The following DIO1 variants were observed in gnomAD, a reference collection of about 807,000 sequenced individuals.
The protein encoded by DIO1 is type I iodothyronine deiodinase.
In DIO1, 17 loss-of-function variants were observed where a neutral mutation model predicts 25.9. The ratio of observed to expected loss-of-function variants is 0.66; its 90% confidence interval spans 0.45 to 0.98. DIO1 has a LOEUF of 0.98. Among genes scored for constraint, DIO1 ranks in the 50% least tolerant of loss-of-function variants. DIO1 has a pLI of 0.00. For synonymous variants in DIO1, 115 were observed against 114.0 expected (o/e 1.01, Z -0.05); for missense variants, 270 against 310.4 (o/e 0.87, Z 0.98).
Position 53,910,673 on chromosome 1 carries a change from T to C in DIO1, c.*674T>C, listed in dbSNP as rs1354698598. On this transcript the variant is annotated 3_prime_UTR_variant, in exon 4 of 4. Transcript: ENST00000361921. Reference sequence around the variant, plus strand: ...ATTTTACCAGGGAAGAGGAGAGTACTCACTTTACCATCTTTGAATATATTT... The same window carrying C: ...ATTTTACCAGGGAAGAGGAGAGTACCCACTTTACCATCTTTGAATATATTT... 6.6e-6 allele frequency: 1 copy of C among 152,610 alleles called. No individual in the cohort carries two copies. The highest frequency in any genetic ancestry group is 1.5e-5 in the Non-Finnish European group (1 of 68,364). The allele number at this position is 152,610 out of a possible 1,614,324, so 9.5% of individuals were successfully genotyped here.
chr1:53,902,400 T>C (rs1651414082), intron 1 of DIO1, among the ~76,000 whole-genome samples: 2 of 151,934 alleles, frequency 1.3e-5, no homozygotes, highest in Non-Finnish European at 2.9e-5. Context: ...GAGCTGCTGG[T>C]CTCATTCTCT....
intron 1 of DIO1, among the ~76,000 whole-genome samples, chr1:53,896,446 G>A (rs1337679383): frequency 6.6e-6 from 1 of 152,018 alleles, no homozygotes; most frequent in Admixed American, 6.6e-5. Flanking sequence ...TCGAACTCCT[G>A]GACTCAAGTG....
At position 53,911,077 on chromosome 1, in the gene DIO1, T is replaced by C. The variant is rs1405466691; in HGVS notation, c.*1078T>C. 1.3e-5 allele frequency: 2 copies of C among 152,664 alleles called. No individual in the cohort carries two copies. The highest frequency in any genetic ancestry group is 6.5e-5 in the Admixed American group (1 of 15,288). 9.5% of individuals were successfully genotyped at this position (152,664 alleles called of 1,614,324 possible). A position where few individuals can be genotyped will look rare whatever the true frequency, so the allele number is the denominator to read the frequency against. ...AACTAATAACAGAATTATTAAAATA[T>C]ATCAGGCTATTTTGGATGGCTTCCG... On this transcript the variant is annotated 3_prime_UTR_variant, in exon 4 of 4. Coordinates refer to ENST00000361921, the MANE Select transcript of DIO1 (RefSeq NM_000792.7).
intron 1 of DIO1, among the ~76,000 whole-genome samples, chr1:53,896,212 T>C (rs1480504626): frequency 2.2e-4 from 14 of 64,794 alleles, no homozygotes; most frequent in African/African-American, 8.9e-4. Flanking sequence ...CTTTTTCTCT[T>C]TTTTTTTTTT....
intron 3 of DIO1, among the ~76,000 whole-genome samples, chr1:53,907,561 T>C (rs1222941915): frequency 6.6e-6 from 1 of 152,110 alleles, no homozygotes; most frequent in African/African-American, 2.4e-5. Context: ...GGGCACTGAA[T>C]CCCTACCTTG....
Position 53,910,424 on chromosome 1 carries a change from A to G in DIO1, c.*425A>G. On this transcript the variant is annotated 3_prime_UTR_variant, in exon 4 of 4. Transcript: ENST00000361921. ...AAGCTGGCATTCCTTCTATTAGGGAAATTCATTTTACCCAATTTGCATTTA... is the reference window on the plus strand; with the variant it reads ...AAGCTGGCATTCCTTCTATTAGGGAGATTCATTTTACCCAATTTGCATTTA... 1 of 165,646 alleles carries G rather than the reference A, an allele frequency of 6.0e-6. No homozygotes were observed. The highest frequency in any genetic ancestry group is 5.7e-5 in the Admixed American group (1 of 17,488). The allele number at this position is 165,646 out of a possible 1,614,324, so 10.3% of individuals were successfully genotyped here. A position where few individuals can be genotyped will look rare whatever the true frequency, so the allele number is the denominator to read the frequency against.
chr1:53,910,383 T>C lies in DIO1; in HGVS notation c.*384T>C. 5.6e-6 allele frequency: 1 copy of C among 179,360 alleles called. No homozygotes were observed. The highest frequency in any genetic ancestry group is 1.2e-5 in the Non-Finnish European group (1 of 83,944). The allele number at this position is 179,360 out of a possible 1,614,324, so 11.1% of individuals were successfully genotyped here. The stretch of plus-strand genomic sequence containing the variant: ...GTACGGTATCTCTCTCCAGCCACTC[T>C]GATACCAAGTAATTCAAGCTGGCAT... On this transcript the variant is annotated 3_prime_UTR_variant, in exon 4 of 4. Coordinates refer to ENST00000361921, the MANE Select transcript of DIO1 (RefSeq NM_000792.7).
At chr1:53,903,546 T>C (rs982958919) in intron 1 of DIO1, among the ~76,000 whole-genome samples, 7 of 151,802 alleles carry the variant, frequency 4.6e-5, no homozygotes, top group African/African-American at 1.7e-4. Flanking sequence ...TACAGAAGAT[T>C]AGAAATGTCT....
chr1:53,907,048 C>T (rs537783027), intron 3 of DIO1, among the ~76,000 whole-genome samples: 57 of 152,320 alleles, frequency 3.7e-4, no homozygotes, highest in Non-Finnish European at 6.6e-4. Flanking sequence ...AGCCCTTGAT[C>T]GGGTGGGCCA....
chr1:53,902,997 T>TTCCACAGCCTCCCTGCCC (rs140431685), intron 1 of DIO1: 135,185 of 150,702 alleles, frequency 0.9, 60,761 homozygotes, highest in South Asian at 0.97. Context: ...GGCTCCTGCC[T>TTCCACAGCCTCCCTGCCC]TCCACAGCCT....
At position 53,896,832 on chromosome 1, in the gene DIO1, T is replaced by A. The variant is rs188409770; in HGVS notation, c.337+2285T>A. Among the ~76,000 whole-genome samples the A allele has an allele frequency of 2.8e-3, 430 of 152,326 alleles. 2 individuals are homozygous for A. The highest frequency in any genetic ancestry group is 4.6e-3 in the Admixed American group (70 of 15,306). ...GGCTCTGGAACTAGGTCTTGAAGAATGAGTCAGATTTTTGTAGCCTGACAA... is the reference window on the plus strand; with the variant it reads ...GGCTCTGGAACTAGGTCTTGAAGAAAGAGTCAGATTTTTGTAGCCTGACAA... On this transcript the variant is annotated intron_variant, in intron 1 of 3. Coordinates refer to ENST00000361921, the MANE Select transcript of DIO1 (RefSeq NM_000792.7).
chr1:53,894,331 A>G lies in DIO1; in HGVS notation c.121A>G (p.Ile41Val). Reference protein sequence around the residue: ...ILFPDRVKRNILAMGEKTGMT... With the variant: ...ILFPDRVKRNVLAMGEKTGMT... ...GTTTCCAGACAGAGTCAAGCGGAACATCCTGGCCATGGGCGAGAAGACGGG... is the reference window on the plus strand; with the variant it reads ...GTTTCCAGACAGAGTCAAGCGGAACGTCCTGGCCATGGGCGAGAAGACGGG... The change falls in exon 1 of 4, where the codon ATC becomes GTC. Residue 41 changes from isoleucine to valine, a missense_variant. Transcript: ENST00000361921. The surrounding 1 kb of genome is among the most constrained non-coding windows in gnomAD (Gnocchi z 4.9). 2 of 1,614,230 alleles carry G rather than the reference A, an allele frequency of 1.2e-6. No homozygotes were observed. The highest frequency in any genetic ancestry group is 1.7e-6 in the Non-Finnish European group (2 of 1,180,032).
Position 53,904,802 on chromosome 1 carries a change from T to C in DIO1, c.474T>C (p.His158=), listed in dbSNP as rs186903408. The change falls in exon 2 of 4, where the codon CAT becomes CAC. Residue 158 remains histidine (H), a synonymous_variant. Transcript: ENST00000361921. ...DFLVIYIEEA[H]ASDGWAFKNN... is the part of the protein sequence containing the mutation. ...TTGTCATTTACATTGAAGAAGCACA[T>C]GCATCAGGTACAGAAAGATTCTCTG... 1.8e-5 allele frequency: 29 copies of C among 1,612,072 alleles called. No individual in the cohort carries two copies. The African/African-American group carries it at 3.5e-4, about 19-fold the overall frequency.
Position 53,898,511 on chromosome 1 carries a change from G to A in DIO1, c.337+3964G>A, listed in dbSNP as rs566244508. On this transcript the variant is annotated intron_variant, in intron 1 of 3. Transcript: ENST00000361921. Reference sequence around the variant, plus strand: ...TGTAATCCCAGCACTTTGGGAGGCCGAGGCCAGCGGGTCACTTGATGTCAG... The same window carrying A: ...TGTAATCCCAGCACTTTGGGAGGCCAAGGCCAGCGGGTCACTTGATGTCAG... 5.9e-5 allele frequency among the ~76,000 whole-genome samples: 9 copies of A among 152,196 alleles called. No individual in the cohort carries two copies. The South Asian group carries it at 1.5e-3, about 25-fold the overall frequency.
chr1:53,904,927 G>C (rs1651572776), intron 2 of DIO1, 118 bp downstream of exon 2: 4 of 1,178,512 alleles, frequency 3.4e-6, no homozygotes, highest in African/African-American at 1.5e-5. Flanking sequence ...GAGAGGGAAA[G>C]AGCCACTATT....
intron 1 of DIO1, among the ~76,000 whole-genome samples, chr1:53,901,976 T>TTTATGAAGCACCTACTATGGGCCAGTA (rs1651391914): frequency 6.6e-6 from 1 of 151,930 alleles, no homozygotes; most frequent in African/African-American, 2.4e-5. Context: ...ATAGCCCACA[T>TTTATGAAGCACCTACTATGGGCCAGTA]ACCTAGGATA....
At chr1:53,909,411 G>C (rs1321908435) in intron 3 of DIO1, among the ~76,000 whole-genome samples, 3 of 151,700 alleles carry the variant, frequency 2.0e-5, no homozygotes, top group Non-Finnish European at 2.9e-5. Flanking sequence ...GCGAGACTCT[G>C]TCTCAAAAAA....
chr1:53,898,260 G>A (rs751459233), intron 1 of DIO1, among the ~76,000 whole-genome samples: 2 of 152,116 alleles, frequency 1.3e-5, no homozygotes, highest in Non-Finnish European at 2.9e-5. Context: ...ATGTGGAGAA[G>A]CAACATTCAG....
chr1:53,904,916 G>C (rs899337792), intron 2 of DIO1, 107 bp downstream of exon 2: 2 of 1,313,836 alleles, frequency 1.5e-6, no homozygotes, highest in Non-Finnish European at 2.1e-6. Flanking sequence ...GAAGAGGAGG[G>C]GAGAGGGAAA....
Sources: allele counts gnomAD v4.1 joint callset (sites outside exome capture counted in the v4.1 genomes callset), GRCh38; gene constraint gnomAD v4.1.1; non-coding constraint Gnocchi (gnomAD v3.1); transcripts MANE v1.5; gene names NCBI Gene and HGNC (gene_info 2026-07-23, HGNC 2026-07-21).